Variants in PBRM1 observed in about 807,000 individuals in gnomAD.
PBRM1 encodes polybromo 1, also known as protein polybromo-1.
Under a neutral mutation model 194.5 loss-of-function variants are expected in PBRM1, and 27 were observed. That is an observed-to-expected ratio of 0.14 (90% CI 0.10 to 0.19). PBRM1 has a LOEUF of 0.19. Ranked by LOEUF, PBRM1 falls within the 10% of genes least tolerant of loss-of-function variation. The probability of loss-of-function intolerance (pLI) is 1.00; values close to 1 mark genes in which losing one functional copy is unlikely to be tolerated. For synonymous variants in PBRM1, 655 were observed against 693.2 expected (o/e 0.94, Z 0.87); for missense variants, 1,466 against 2,077.2 (o/e 0.71, Z 5.72).
chr3:52,583,407 TAAAAAAAAACAA>T (rs942763397), intron 20 of PBRM1, among the ~76,000 whole-genome samples: 10 of 142,336 alleles, frequency 7.0e-5, no homozygotes, highest in Admixed American at 1.4e-4. Context: ...AGACTCCATC[TAAAAAAAAACAA>T]AAAAAAAAAC....
rs115464407 is a variant in PBRM1, at chr3:52,601,813, G to C, written c.2779+1708C>G. ...TGGGTTCCCGAGCCCTTGGGCAGTG[G>C]ATGTGGCAAGGGTGAAAGCAGTAGC... On this transcript the variant is annotated intron_variant, in intron 17 of 29. Coordinates refer to ENST00000296302, the Ensembl canonical transcript of PBRM1. 1.9e-3 allele frequency among the ~76,000 whole-genome samples: 296 copies of C among 152,250 alleles called. 1 individual carries two copies. The highest frequency in any genetic ancestry group is 5.2e-3 in the South Asian group (25 of 4,824).
chr3:52,664,589 G>A (rs2096793447), intron 3 of PBRM1, among the ~76,000 whole-genome samples: 1 of 151,776 alleles, frequency 6.6e-6, no homozygotes, highest in African/African-American at 2.4e-5. Flanking sequence ...ACAAAAATTA[G>A]CCGGGCATGG....
At chr3:52,627,455 G>T in intron 12 of PBRM1, 85 bp from the exon 14 acceptor site, 3 of 736,606 alleles carry the variant, frequency 4.1e-6, no homozygotes, top group Non-Finnish European at 7.0e-6. Flanking sequence ...AGACATATCA[G>T]ATTCACTCAG....
At chr3:52,594,647 A>G (rs2093399070) in intron 17 of PBRM1, among the ~76,000 whole-genome samples, 2 of 152,042 alleles carry the variant, frequency 1.3e-5, no homozygotes, top group African/African-American at 4.8e-5. Flanking sequence ...GCTGGAAGCA[A>G]TCTTGTTTGT....
intron 20 of PBRM1, among the ~76,000 whole-genome samples, chr3:52,584,032 A>G (rs748385431): frequency 2.0e-5 from 3 of 152,190 alleles, no homozygotes; most frequent in Non-Finnish European, 2.9e-5. Context: ...AAAATCCCTC[A>G]GTTCACTATC....
At chr3:52,561,946 C>T (rs1174894328) in exon 25 of PBRM1, 2 of 1,613,858 alleles carry the variant, frequency 1.2e-6, no homozygotes, top group African/African-American at 2.7e-5. Context: ...CTTTGCACTG[C>T]CTTTGGCAGA....
At chr3:52,618,796 G>C (rs1360930481) in intron 13 of PBRM1, among the ~76,000 whole-genome samples, 1 of 151,810 alleles carries the variant, frequency 6.6e-6, no homozygotes, top group African/African-American at 2.4e-5. Context: ...TTGTTGCCCA[G>C]GCTGGAGTGC....
chr3:52,618,748 C>T (rs1249923523), intron 13 of PBRM1, among the ~76,000 whole-genome samples: 4 of 151,260 alleles, frequency 2.6e-5, no homozygotes, highest in Admixed American at 6.6e-5. Context: ...GCGCCTGCCA[C>T]GACGCCCTGC....
At chr3:52,563,255 A>G (rs780469809) in intron 24 of PBRM1, 28 bp downstream of exon 26, 19 of 1,574,486 alleles carry the variant, frequency 1.2e-5, no homozygotes, top group South Asian at 2.2e-5. Flanking sequence ...TGGTAATAAG[A>G]TAAGTAACAG....
At chr3:52,597,125 C>G (rs913583066) in intron 17 of PBRM1, among the ~76,000 whole-genome samples, 1 of 152,128 alleles carries the variant, frequency 6.6e-6, no homozygotes, top group East Asian at 1.9e-4. Context: ...GCTCTAACTC[C>G]CGCAAGCACA....
rs2153426642 is a variant in PBRM1, at chr3:52,609,878, C to T, written c.2002G>A (p.Ala668Thr). The T allele has an allele frequency of 1.9e-6, 3 of 1,576,624 alleles. No individual in the cohort carries two copies. The highest frequency in any genetic ancestry group is 2.6e-6 in the Non-Finnish European group (3 of 1,163,826). The change falls in exon 16 of 30, where the codon GCT becomes ACT. Residue 668 changes from alanine (A) to threonine (T), a missense_variant. Around this residue, in one of 5 missense-constraint regions of PBRM1, gnomAD observed 687 missense variants for 946.2 expected, o/e 0.73. Coordinates refer to ENST00000296302, the Ensembl canonical transcript of PBRM1. The surrounding 1 kb of genome is among the most constrained non-coding windows in gnomAD (Gnocchi z 4.1). ...CTCTTATCAGTATAGTTCTTTACAG[C>T]TTCATAGACCTCATTTAGTTTCTGC...
At chr3:52,629,971 C>A (rs1432028780) in intron 11 of PBRM1, among the ~76,000 whole-genome samples, 1 of 152,140 alleles carries the variant, frequency 6.6e-6, no homozygotes, top group Admixed American at 6.6e-5. Context: ...TATTAGAGAA[C>A]ATCTCTGTGA....
intron 4 of PBRM1, among the ~76,000 whole-genome samples, chr3:52,659,602 T>C (rs2096675852): frequency 6.6e-6 from 1 of 152,150 alleles, no homozygotes; most frequent in Admixed American, 6.5e-5. Context: ...TTTTACTTTT[T>C]GTAGACATGG....
Position 52,548,311 on chromosome 3 carries a change from G to A in PBRM1, c.4898-76C>T, listed in dbSNP as rs976794421. The A allele has an allele frequency of 5.7e-6, 6 of 1,048,066 alleles. No individual in the cohort carries two copies. The African/African-American group carries it at 8.3e-5, about 15-fold the overall frequency. 64.9% of individuals were successfully genotyped at this position (1,048,066 alleles called of 1,614,324 possible). A position where few individuals can be genotyped will look rare whatever the true frequency, so the allele number is the denominator to read the frequency against. On this transcript the variant is annotated intron_variant, in intron 29 of 29. Transcript: ENST00000296302. Reference sequence around the variant, plus strand: ...ATTTCCCTCAGTTCTAAGGTCTGACGAACTTATTAAAACACAAAACATTGA... The same window carrying A: ...ATTTCCCTCAGTTCTAAGGTCTGACAAACTTATTAAAACACAAAACATTGA...
intron 2 of PBRM1, among the ~76,000 whole-genome samples, chr3:52,677,163 G>T (rs2097124216): frequency 6.6e-6 from 1 of 152,162 alleles, no homozygotes; most frequent in South Asian, 2.1e-4. Context: ...TCATGGATAT[G>T]ACACCAAAGG....
intron 10 of PBRM1, 43 bp downstream of exon 11, chr3:52,641,911 A>T: frequency 9.1e-7 from 1 of 1,101,368 alleles, no homozygotes; most frequent in East Asian, 2.4e-5. Flanking sequence ...AGCTAGAAGG[A>T]TCCACTAAGA....
chr3:52,618,596 T>A (rs970380490), intron 13 of PBRM1, among the ~76,000 whole-genome samples: 6 of 150,600 alleles, frequency 4.0e-5, no homozygotes, highest in Non-Finnish European at 5.9e-5. Context: ...ACTTAGTTTT[T>A]TTTTTTTTTT....
At chr3:52,684,757 A>ATTTGGAT (rs2097283035) in intron 1 of PBRM1, 1 of 152,224 alleles carries the variant, frequency 6.6e-6, no homozygotes, top group Non-Finnish European at 1.5e-5. Context: ...TAGGATATTA[A>ATTTGGAT]CATTTGAGGT....
At chr3:52,662,472 T>C (rs1376280740) in intron 3 of PBRM1, among the ~76,000 whole-genome samples, 196 bp from the exon 5 acceptor site, 2 of 152,116 alleles carry the variant, frequency 1.3e-5, no homozygotes, top group Non-Finnish European at 2.9e-5. Flanking sequence ...TGAAATCAAA[T>C]TATTTAGGTC....
Sources: gnomAD v4.1 joint callset for allele counts (sites outside exome capture counted in the v4.1 genomes callset) on GRCh38, gnomAD v4.1.1 for gene constraint, gnomAD v4.1.1 regional missense constraint, Gnocchi (gnomAD v3.1) non-coding constraint, MANE v1.5 for transcripts, NCBI Gene and HGNC (gene_info 2026-07-23, HGNC 2026-07-21) for gene names.